KCNIP4: variants seen among roughly 807,000 people sequenced by gnomAD.
KCNIP4 encodes potassium voltage-gated channel interacting protein 4, also known as Kv channel-interacting protein 4.
Under a neutral mutation model 34.0 loss-of-function variants are expected in KCNIP4, and 12 were observed. The observed-to-expected ratio is 0.35, with a 90% CI of 0.23 to 0.57. The LOEUF (loss-of-function observed/expected upper bound fraction) is 0.57. Ranked by LOEUF, KCNIP4 falls within the 20% of genes least tolerant of loss-of-function variation. The probability of loss-of-function intolerance (pLI) is 0.83; values close to 1 mark genes in which losing one functional copy is unlikely to be tolerated. For missense variants in KCNIP4, 238 were observed against 311.7 expected, an observed-to-expected ratio of 0.76 and a Z score of 1.78; for synonymous variants, 124 against 102.2, an observed-to-expected ratio of 1.21 and a Z score of -1.29.
At chr4:20,770,480 A>T (rs16869956) in intron 3 of KCNIP4, among the ~76,000 whole-genome samples, 7,452 of 152,074 alleles carry the variant, frequency 0.049, 272 homozygotes, top group East Asian at 0.2. Flanking sequence ...TGACCAAAAA[A>T]AAAAATACCG....
intron 1 of KCNIP4, among the ~76,000 whole-genome samples, chr4:21,756,469 G>T (rs1247433613): frequency 1.3e-5 from 2 of 151,158 alleles, no homozygotes; most frequent in Non-Finnish European, 2.9e-5. Flanking sequence ...TACGAGAATT[G>T]CTTGAACCCA....
chr4:21,258,120 TTTTAGCTTC>T (rs1761201909), intron 1 of KCNIP4, among the ~76,000 whole-genome samples: 1 of 152,196 alleles, frequency 6.6e-6, no homozygotes, highest in Non-Finnish European at 1.5e-5. Flanking sequence ...TGTCACTTAA[TTTTAGCTTC>T]TGAGAGCTAT....
At chr4:21,557,237 C>T (rs1403257682) in intron 1 of KCNIP4, among the ~76,000 whole-genome samples, 1 of 152,010 alleles carries the variant, frequency 6.6e-6, no homozygotes, top group Non-Finnish European at 1.5e-5. Flanking sequence ...TAATATTCAT[C>T]GCTAGTAGAC....
chr4:20,880,338 G>C (rs2149521689), intron 2 of KCNIP4, among the ~76,000 whole-genome samples: 1 of 152,204 alleles, frequency 6.6e-6, no homozygotes, highest in African/African-American at 2.4e-5. Context: ...GGAGGAGAAG[G>C]CGAAAAAGGA....
chr4:21,174,901 CAA>C (rs5856608), intron 1 of KCNIP4, among the ~76,000 whole-genome samples: 98 of 115,688 alleles, frequency 8.5e-4, no homozygotes, highest in Non-Finnish European at 8.8e-4. Flanking sequence ...GACACTGTCT[CAA>C]AAAAAAAAAA....
intron 1 of KCNIP4, among the ~76,000 whole-genome samples, chr4:21,205,130 T>C (rs1218422960): frequency 6.6e-6 from 1 of 152,216 alleles, no homozygotes; most frequent in Non-Finnish European, 1.5e-5. Context: ...GAGTAAATAC[T>C]GGGTCGAACC....
At chr4:21,765,158 CTTTTTT>C in intron 1 of KCNIP4, among the ~76,000 whole-genome samples, 1 of 146,344 alleles carries the variant, frequency 6.8e-6, no homozygotes, top group Non-Finnish European at 1.5e-5. Flanking sequence ...TGAAGAGAAC[CTTTTTT>C]TTTTTTTCCG....
At chr4:21,836,218 A>T (rs999006246) in intron 1 of KCNIP4, among the ~76,000 whole-genome samples, 1 of 152,246 alleles carries the variant, frequency 6.6e-6, no homozygotes, top group Admixed American at 6.5e-5. Context: ...CCATAACAAA[A>T]TTTTTTTAAA....
At chr4:21,309,913 A>G (rs1202928133) in intron 1 of KCNIP4, among the ~76,000 whole-genome samples, 1 of 152,220 alleles carries the variant, frequency 6.6e-6, no homozygotes, top group Admixed American at 6.5e-5. Flanking sequence ...AACTAAGATC[A>G]GCTTTATAGA....
At chr4:20,899,549 G>A (rs2149549578) in intron 1 of KCNIP4, among the ~76,000 whole-genome samples, 1 of 152,194 alleles carries the variant, frequency 6.6e-6, no homozygotes, top group Non-Finnish European at 1.5e-5. Flanking sequence ...TTGCCTAAGA[G>A]GATTCTTTTG....
chr4:21,132,648 C>T (rs1006077252), intron 1 of KCNIP4, among the ~76,000 whole-genome samples: 4 of 152,046 alleles, frequency 2.6e-5, no homozygotes, highest in African/African-American at 4.8e-5. Flanking sequence ...CACTGAAGTG[C>T]GGGGTAGGCA....
chr4:21,167,410 T>G (rs1428103152), intron 1 of KCNIP4, among the ~76,000 whole-genome samples: 1 of 152,230 alleles, frequency 6.6e-6, no homozygotes, highest in African/African-American at 2.4e-5. Flanking sequence ...TTAGAATTTT[T>G]TACTGAATCA....
chr4:20,938,371 G>T (rs1248233888), intron 1 of KCNIP4, among the ~76,000 whole-genome samples: 3 of 151,870 alleles, frequency 2.0e-5, no homozygotes, highest in Non-Finnish European at 4.4e-5. Context: ...GTCCAGCCAG[G>T]GTCCTATGAC....
At position 21,453,940 on chromosome 4, in the gene KCNIP4, C is replaced by T. The variant is rs146016359; in HGVS notation, c.61+494631G>A. ...ACGTGTGAAGTTTCATCCATTTCTTCATCTTGAAACAATGACCTCTGAGGC... is the reference window on the plus strand; with the variant it reads ...ACGTGTGAAGTTTCATCCATTTCTTTATCTTGAAACAATGACCTCTGAGGC... On this transcript the variant is annotated intron_variant, in intron 1 of 8. Coordinates refer to ENST00000382152, the MANE Select transcript of KCNIP4 (RefSeq NM_025221.6). Among the ~76,000 whole-genome samples the T allele has an allele frequency of 6.3e-4, 96 of 152,158 alleles. 3 individuals are homozygous for T. The highest frequency in any genetic ancestry group is 2.2e-3 in the African/African-American group (93 of 41,502).
At chr4:20,926,132 C>G (rs879833989) in intron 1 of KCNIP4, among the ~76,000 whole-genome samples, 4 of 152,134 alleles carry the variant, frequency 2.6e-5, no homozygotes, top group Non-Finnish European at 4.4e-5. Flanking sequence ...AAAGTGAATC[C>G]TCCTGAAATC....
chr4:20,736,305 C>A (rs930012728), intron 5 of KCNIP4, among the ~76,000 whole-genome samples: 2 of 152,078 alleles, frequency 1.3e-5, no homozygotes, highest in Non-Finnish European at 2.9e-5. Context: ...GTAAATACAT[C>A]GTAGTTTATT....
At chr4:21,383,181 G>C (rs1415449091) in intron 1 of KCNIP4, among the ~76,000 whole-genome samples, 3 of 152,156 alleles carry the variant, frequency 2.0e-5, no homozygotes, top group Non-Finnish European at 4.4e-5. Flanking sequence ...AACCAACCCT[G>C]CTGACACCTT....
At chr4:21,109,632 C>A (rs1748968157) in intron 1 of KCNIP4, among the ~76,000 whole-genome samples, 1 of 152,220 alleles carries the variant, frequency 6.6e-6, no homozygotes, top group Non-Finnish European at 1.5e-5. Context: ...CTGTCTGGCA[C>A]TCCCTAGTGA....
chr4:21,634,986 A>G (rs1462341469), intron 1 of KCNIP4, among the ~76,000 whole-genome samples: 2 of 152,200 alleles, frequency 1.3e-5, no homozygotes, highest in Non-Finnish European at 2.9e-5. Flanking sequence ...ACAAAATTGT[A>G]TTCACTTTAT....
Sources: gnomAD v4.1 joint callset for allele counts (sites outside exome capture counted in the v4.1 genomes callset) on GRCh38, gnomAD v4.1.1 for gene constraint, MANE v1.5 for transcripts, NCBI Gene and HGNC (gene_info 2026-07-23, HGNC 2026-07-21) for gene names.